The following PDE10A variants were observed in gnomAD, a reference collection of about 807,000 sequenced individuals.
PDE10A encodes the protein phosphodiesterase 10A.
In PDE10A, 39 loss-of-function variants were observed where a neutral mutation model predicts 97.7. The ratio of observed to expected loss-of-function variants is 0.40; its 90% CI spans 0.31 to 0.52. The LOEUF is 0.52. Among genes scored for constraint, PDE10A ranks in the 20% least tolerant of loss-of-function variants. PDE10A has a pLI of 0.56. For missense variants in PDE10A, 731 were observed against 1,047.8 expected (o/e 0.70, Z 4.17); for synonymous variants, 371 against 376.8 (o/e 0.98, Z 0.18).
chr6:165,556,499 G>C (rs181100370), intron 1 of PDE10A, among the ~76,000 whole-genome samples: 1 of 152,180 alleles, frequency 6.6e-6, no homozygotes, highest in African/African-American at 2.4e-5. Context: ...TGGATTAAAG[G>C]GGACAATAGT....
rs7754460 is a variant in PDE10A at position 165,878,005 on chromosome 6, C to T, written c.-615+109524G>A. 2.1e-3 allele frequency among the ~76,000 whole-genome samples: 326 copies of T among 152,274 alleles called. 2 individuals are homozygous for T. The highest frequency in any genetic ancestry group is 7.5e-3 in the African/African-American group (313 of 41,550). ...GAAAAGCACATGCACTTATGCAACA[C>T]CCTCCACTGCACAGAGATAAACAGA... is the stretch of plus-strand genomic sequence containing the variant. On this transcript the variant is annotated intron_variant, in intron 1 of 19. Transcript: ENST00000366882.
intron 10 of PDE10A, among the ~76,000 whole-genome samples, chr6:165,422,829 A>G (rs1360301851): frequency 1.3e-5 from 2 of 152,166 alleles, no homozygotes; most frequent in Non-Finnish European, 2.9e-5. Context: ...TTAGTAAATG[A>G]TATCTAAGAA....
At chr6:165,828,786 C>A (rs1018902287) in intron 1 of PDE10A, among the ~76,000 whole-genome samples, 1 of 152,174 alleles carries the variant, frequency 6.6e-6, no homozygotes, top group South Asian at 2.1e-4. Flanking sequence ...TGCCCCCACC[C>A]TAAATGTCCC....
intron 1 of PDE10A, among the ~76,000 whole-genome samples, chr6:165,561,284 C>T (rs2128337759): frequency 6.6e-6 from 1 of 152,044 alleles, no homozygotes; most frequent in East Asian, 1.9e-4. Context: ...TGTGAAGACA[C>T]GTTTGCTTCC....
At chr6:165,800,610 C>T (rs1778956822) in intron 1 of PDE10A, among the ~76,000 whole-genome samples, 1 of 152,186 alleles carries the variant, frequency 6.6e-6, no homozygotes, top group African/African-American at 2.4e-5. Flanking sequence ...AACCCAAAGT[C>T]CCACCCCCCG....
chr6:165,483,032 C>A (rs1415984622), intron 2 of PDE10A, among the ~76,000 whole-genome samples: 1 of 152,174 alleles, frequency 6.6e-6, no homozygotes, highest in Non-Finnish European at 1.5e-5. Flanking sequence ...AACAAGCTGG[C>A]AGATACCTCC....
chr6:165,526,019 C>T (rs963621646), intron 2 of PDE10A, among the ~76,000 whole-genome samples: 3 of 152,174 alleles, frequency 2.0e-5, no homozygotes, highest in African/African-American at 7.2e-5. Flanking sequence ...AGACCCAGAA[C>T]CCCTTGAATG....
intron 1 of PDE10A, among the ~76,000 whole-genome samples, chr6:165,596,201 T>C (rs1786582115): frequency 6.6e-6 from 1 of 152,188 alleles, no homozygotes. Flanking sequence ...ACCTTATAGC[T>C]AATCCATCAG....
At chr6:165,449,009 A>G (rs772782683) in intron 4 of PDE10A, 32 bp from the exon 5 acceptor site, 1 of 1,562,692 alleles carries the variant, frequency 6.4e-7, no homozygotes, top group South Asian at 1.1e-5. Flanking sequence ...GAAGAAACTG[A>G]GCTCAGTGGG....
In PDE10A at chr6:165,375,441, C is replaced by G. The variant is rs567374400; in HGVS notation, c.2783+3753G>C. On this transcript the variant is annotated intron_variant, in intron 18 of 21. Transcript: ENST00000539869. The stretch of plus-strand genomic sequence containing the variant: ...CTTAACTGTCTCCAATTCTGTGACA[C>G]CTGGGAGATGTGAAAATGCTGCAGA... Among the ~76,000 whole-genome samples the G allele has an allele frequency of 1.3e-4, 20 of 152,262 alleles. 1 individual carries two copies. The South Asian group carries it at 3.9e-3, about 30-fold the overall frequency.
chr6:165,647,492 C>T (rs1448172279), intron 1 of PDE10A, among the ~76,000 whole-genome samples: 4 of 152,072 alleles, frequency 2.6e-5, no homozygotes, highest in Admixed American at 6.5e-5. Context: ...CAAAAAATAG[C>T]TTCCCCTAAA....
intron 1 of PDE10A, among the ~76,000 whole-genome samples, chr6:165,886,736 G>A (rs1273029064): frequency 2.6e-5 from 4 of 152,142 alleles, no homozygotes; most frequent in African/African-American, 9.7e-5. Flanking sequence ...TTAAAGTCTT[G>A]TCAGACTGGT....
Position 165,413,493 on chromosome 6 carries a change from G to A in PDE10A, c.2076+8C>T. On this transcript the variant is annotated splice_region_variant and intron_variant, in intron 13 of 21. Transcript: ENST00000539869. ...AGTAAAAAATGGTATTTAATAAATA[G>A]TACTTACATTAGCACAGTGTAAGGC... 6.3e-7 allele frequency: 1 copy of A among 1,589,988 alleles called. No individual in the cohort carries two copies. Among genetic ancestry groups the A allele is most frequent in the Non-Finnish European group, 8.6e-7 (1 of 1,160,676 alleles).
intron 1 of PDE10A, among the ~76,000 whole-genome samples, chr6:165,763,772 T>G (rs1276168366): frequency 6.6e-6 from 1 of 152,246 alleles, no homozygotes; most frequent in Non-Finnish European, 1.5e-5. Flanking sequence ...AGCACAAGTA[T>G]TTAAATGTTT....
intron 5 of PDE10A, among the ~76,000 whole-genome samples, chr6:165,438,483 T>C (rs765890085): frequency 1.3e-5 from 2 of 152,222 alleles, no homozygotes; most frequent in Non-Finnish European, 2.9e-5. Context: ...CCACTGTGCC[T>C]GGCCTATCCT....
intron 13 of PDE10A, among the ~76,000 whole-genome samples, chr6:165,412,746 A>C (rs1787968644): frequency 6.6e-6 from 1 of 152,154 alleles, no homozygotes; most frequent in South Asian, 2.1e-4. Context: ...TCCTACTCCC[A>C]AAAAAGCAGT....
intron 1 of PDE10A, among the ~76,000 whole-genome samples, chr6:165,635,592 C>A (rs1446592372): frequency 6.6e-6 from 1 of 152,094 alleles, no homozygotes; most frequent in Non-Finnish European, 1.5e-5. Context: ...TTAACTTATT[C>A]CAAAGAGATT....
At chr6:165,364,723 A>G (rs139111752) in intron 18 of PDE10A, among the ~76,000 whole-genome samples, 9 of 152,334 alleles carry the variant, frequency 5.9e-5, no homozygotes, top group African/African-American at 1.7e-4. Context: ...GGAAGAAAAT[A>G]TTGATCAACT....
intron 1 of PDE10A, among the ~76,000 whole-genome samples, chr6:165,717,587 A>G (rs1792056908): frequency 6.6e-6 from 1 of 151,928 alleles, no homozygotes; most frequent in Non-Finnish European, 1.5e-5. Context: ...CCGTCTCAAA[A>G]AAAAAAAAGT....
Sources: gnomAD v4.1 joint callset for allele counts (sites outside exome capture counted in the v4.1 genomes callset) on GRCh38, gnomAD v4.1.1 for gene constraint, MANE v1.5 for transcripts, NCBI Gene and HGNC (gene_info 2026-07-23, HGNC 2026-07-21) for gene names.